The following TBL1X variants were observed in gnomAD, a reference collection of about 807,000 sequenced individuals.
TBL1X encodes the protein F-box-like/WD repeat-containing protein TBL1X.
TBL1X carries 10 observed loss-of-function variants against 50.7 expected under a neutral mutation model. The observed-to-expected ratio is 0.20, with a 90% CI of 0.12 to 0.33. TBL1X has a LOEUF of 0.33. TBL1X is among the 10% of genes least tolerant of loss of function. The pLI is 1.00. For missense variants in TBL1X, 340 were observed against 504.4 expected (o/e 0.67, Z 3.12); for synonymous variants, 190 against 214.7 (o/e 0.88, Z 1.01).
At chrX:9,469,745 C>T (rs11797741) in intron 1 of TBL1X, among the ~76,000 whole-genome samples, 32,502 of 111,229 alleles carry the variant, frequency 0.29, 3,770 homozygotes, top group South Asian at 0.37. Context: ...ATGTTCATGG[C>T]TCTGTCTCCC....
intron 2 of TBL1X, among the ~76,000 whole-genome samples, chrX:9,524,420 A>G (rs908204431): frequency 1.8e-5 from 2 of 111,753 alleles, no homozygotes; most frequent in African/African-American, 3.3e-5. Flanking sequence ...GCACCCACCC[A>G]ACTTTCTGTT....
At chrX:9,651,011 CT>C (rs572743375) in intron 3 of TBL1X, among the ~76,000 whole-genome samples, 3 of 30,930 alleles carry the variant, frequency 9.7e-5, no homozygotes, top group African/African-American at 2.7e-4. Flanking sequence ...AGCTGCCAGC[CT>C]TTTTTTTTTT....
intron 5 of TBL1X, among the ~76,000 whole-genome samples, chrX:9,661,422 G>T (rs985372052): frequency 9.0e-6 from 1 of 111,688 alleles, no homozygotes; most frequent in African/African-American, 3.3e-5. Context: ...CTACTCAGGA[G>T]GCTGAGGCGG....
intron 2 of TBL1X, among the ~76,000 whole-genome samples, chrX:9,538,785 G>A (rs1283779867): frequency 8.9e-6 from 1 of 112,877 alleles, no homozygotes; most frequent in African/African-American, 3.2e-5. Flanking sequence ...TGAGCCTGAA[G>A]TCTGCATGCT....
intron 2 of TBL1X, among the ~76,000 whole-genome samples, chrX:9,565,906 C>G (rs1188660166): frequency 8.9e-6 from 1 of 111,977 alleles, no homozygotes; most frequent in Non-Finnish European, 1.9e-5. Context: ...ATAACAGAAA[C>G]AGCTCCAAGA....
At chrX:9,497,610 T>C (rs754559865) in intron 1 of TBL1X, among the ~76,000 whole-genome samples, 4 of 109,786 alleles carry the variant, frequency 3.6e-5, no homozygotes, top group African/African-American at 9.9e-5. Context: ...TCACAGATAG[T>C]TGGTGGGCAT....
intron 2 of TBL1X, among the ~76,000 whole-genome samples, chrX:9,533,052 TAGAC>T (rs2082170328): frequency 1.8e-5 from 2 of 111,813 alleles, no homozygotes; most frequent in South Asian, 3.7e-4. Flanking sequence ...GTTCTGGAAT[TAGAC>T]AGCGGTTGCA....
intron 3 of TBL1X, among the ~76,000 whole-genome samples, chrX:9,651,011 C>A (rs371351902): frequency 9.7e-5 from 3 of 30,913 alleles, no homozygotes; most frequent in African/African-American, 2.7e-4. Context: ...AGCTGCCAGC[C>A]TTTTTTTTTT....
At chrX:9,486,239 CT>C (rs112431017) in intron 1 of TBL1X, among the ~76,000 whole-genome samples, 269 of 101,383 alleles carry the variant, frequency 2.7e-3, no homozygotes, top group Non-Finnish European at 2.6e-3. Flanking sequence ...TTGATAATAG[CT>C]TTTTTTTTTT....
At chrX:9,486,409 T>C (rs2081912675) in intron 1 of TBL1X, among the ~76,000 whole-genome samples, 1 of 109,920 alleles carries the variant, frequency 9.1e-6, no homozygotes, top group Non-Finnish European at 1.9e-5. Context: ...AATTTTTGTA[T>C]TTTTTGTAAA....
chrX:9,485,452 G>A (rs1312245081), intron 1 of TBL1X, among the ~76,000 whole-genome samples: 2 of 111,815 alleles, frequency 1.8e-5, no homozygotes, highest in Non-Finnish European at 3.8e-5. Context: ...CCAGCAAGGG[G>A]CAGATACCAA....
At chrX:9,627,480 A>ATCT (rs2082698455) in intron 2 of TBL1X, among the ~76,000 whole-genome samples, 1 of 112,345 alleles carries the variant, frequency 8.9e-6, no homozygotes, top group African/African-American at 3.2e-5. Context: ...AAAGTATCAT[A>ATCT]GAAAATCCAA....
At chrX:9,706,609 A>G (rs2083209225) in intron 13 of TBL1X, among the ~76,000 whole-genome samples, 1 of 111,744 alleles carries the variant, frequency 8.9e-6, no homozygotes, top group African/African-American at 3.3e-5. Flanking sequence ...TGGGAACAAC[A>G]GCTGACTTAG....
rs757071490 is a variant in TBL1X, at chrX:9,649,301, C to A, written c.-42-4244C>A. On this transcript the variant is annotated intron_variant, in intron 3 of 17. Transcript: ENST00000645353. Reference sequence around the variant, plus strand: ...GTTTGTTGGGGGAGAAAAGTTTGATCCAAATATTAAATCAGTCTTAAAAAA... The same window carrying A: ...GTTTGTTGGGGGAGAAAAGTTTGATACAAATATTAAATCAGTCTTAAAAAA... 2.7e-5 allele frequency among the ~76,000 whole-genome samples: 3 copies of A among 112,030 alleles called. No individual in the cohort carries two copies. The South Asian group carries it at 1.1e-3, about 41-fold the overall frequency.
At chrX:9,536,177 T>C (rs1266562701) in intron 2 of TBL1X, among the ~76,000 whole-genome samples, 1 of 111,830 alleles carries the variant, frequency 8.9e-6, no homozygotes, top group Admixed American at 9.5e-5. Context: ...ACAGTCGTTA[T>C]TATTGGGCCA....
At chrX:9,466,129 C>T (rs2081772350) in intron 1 of TBL1X, among the ~76,000 whole-genome samples, 1 of 110,237 alleles carries the variant, frequency 9.1e-6, no homozygotes, top group Admixed American at 9.4e-5. Context: ...TGCAGAGCGC[C>T]GCCCGGGGAG....
intron 2 of TBL1X, among the ~76,000 whole-genome samples, chrX:9,602,803 C>T (rs1182168721): frequency 8.9e-6 from 1 of 112,070 alleles, no homozygotes; most frequent in Non-Finnish European, 1.9e-5. Flanking sequence ...AGTTTTCTCC[C>T]TTTTGGAAAT....
At chrX:9,531,549 T>C (rs1449240863) in intron 2 of TBL1X, among the ~76,000 whole-genome samples, 1 of 110,198 alleles carries the variant, frequency 9.1e-6, no homozygotes, top group East Asian at 2.8e-4. Flanking sequence ...TCTAAATAAT[T>C]GAGAGAAAAT....
At chrX:9,468,733 G>A (rs1007281714) in intron 1 of TBL1X, among the ~76,000 whole-genome samples, 1 of 108,635 alleles carries the variant, frequency 9.2e-6, no homozygotes, top group South Asian at 3.9e-4. Context: ...GTGGGTAGGA[G>A]TATATATATA....
Sources: allele counts gnomAD v4.1 joint callset (sites outside exome capture counted in the v4.1 genomes callset), GRCh38; gene constraint gnomAD v4.1.1; transcripts MANE v1.5; gene names NCBI Gene and HGNC (gene_info 2026-07-23, HGNC 2026-07-21).